NR6A1: variants seen among roughly 807,000 people sequenced by gnomAD.
The protein encoded by NR6A1 is nuclear receptor subfamily 6 group A member 1.
NR6A1 carries 7 observed loss-of-function variants against 59.1 expected under a neutral mutation model. The observed-to-expected ratio is 0.12, with a 90% CI of 0.07 to 0.22. The LOEUF is 0.22. Ranked by LOEUF, NR6A1 falls within the 10% of genes least tolerant of loss-of-function variation. The pLI, the probability that NR6A1 is intolerant of heterozygous loss-of-function variation, is 1.00. For missense variants in NR6A1, 468 were observed against 611.6 expected, an observed-to-expected ratio of 0.77 and a Z score of 2.48; for synonymous variants, 243 against 236.1, an observed-to-expected ratio of 1.03 and a Z score of -0.27.
At chr9:124,588,265 G>A (rs946873296) in intron 2 of NR6A1, among the ~76,000 whole-genome samples, 5 of 152,228 alleles carry the variant, frequency 3.3e-5, no homozygotes, top group African/African-American at 1.2e-4. Flanking sequence ...GACAAGAGCA[G>A]GAGTGCTGAG....
In NR6A1 at chr9:124,531,451, C is replaced by G. The variant is rs59310165; in HGVS notation, c.1079+4427G>C. Among the ~76,000 whole-genome samples the G allele has an allele frequency of 6.6e-3, 1,009 of 152,332 alleles. 16 individuals are homozygous for G. Among genetic ancestry groups the G allele is most frequent in the East Asian group, 0.039 (205 of 5,194 alleles). ...GCCTTTCCATGACAGCAGGAACTCACTTGCACTCAAGAGTTGTGAAGAAGT... is the reference window on the plus strand; with the variant it reads ...GCCTTTCCATGACAGCAGGAACTCAGTTGCACTCAAGAGTTGTGAAGAAGT... On this transcript the variant is annotated intron_variant, in intron 7 of 9. Transcript: ENST00000487099.
At chr9:124,538,904 T>G in intron 5 of NR6A1, among the ~76,000 whole-genome samples, 1 of 7,628 alleles carries the variant, frequency 1.3e-4, no homozygotes, top group African/African-American at 8.5e-4. Context: ...TGTCAACTAA[T>G]TAAAAAAAAA....
At chr9:124,665,969 A>G (rs933449263) in intron 2 of NR6A1, among the ~76,000 whole-genome samples, 14 of 152,236 alleles carry the variant, frequency 9.2e-5, no homozygotes, top group African/African-American at 2.9e-4. Flanking sequence ...ATTTGCCACA[A>G]TGAAGCAATA....
At chr9:124,705,169 T>C (rs555693406) in intron 2 of NR6A1, among the ~76,000 whole-genome samples, 1 of 152,380 alleles carries the variant, frequency 6.6e-6, no homozygotes, top group African/African-American at 2.4e-5. Flanking sequence ...TTGTATATTT[T>C]GCATAAAGTG....
At chr9:124,588,983 T>C (rs148230225) in intron 2 of NR6A1, among the ~76,000 whole-genome samples, 2 of 149,704 alleles carry the variant, frequency 1.3e-5, no homozygotes, top group African/African-American at 4.9e-5. Flanking sequence ...TTAAGGTAAC[T>C]GGTTCATGGT....
intron 2 of NR6A1, among the ~76,000 whole-genome samples, chr9:124,597,102 A>C (rs1003456574): frequency 1.2e-4 from 18 of 152,190 alleles, no homozygotes; most frequent in African/African-American, 4.1e-4. Flanking sequence ...TACTACCATT[A>C]CTAGAGGGCT....
intron 2 of NR6A1, among the ~76,000 whole-genome samples, chr9:124,677,622 T>C (rs944467658): frequency 1.3e-5 from 2 of 152,112 alleles, no homozygotes; most frequent in African/African-American, 4.8e-5. Flanking sequence ...TTAAGTCTGA[T>C]AAAGTTTTCT....
chr9:124,596,222 T>A (rs1418412686), intron 2 of NR6A1, among the ~76,000 whole-genome samples: 1 of 152,036 alleles, frequency 6.6e-6, no homozygotes, highest in Middle Eastern at 3.2e-3. Context: ...TCTTCCAGAC[T>A]GGGTTAGAAA....
chr9:124,661,078 A>G (rs1024205455), intron 2 of NR6A1, among the ~76,000 whole-genome samples: 2 of 152,150 alleles, frequency 1.3e-5, no homozygotes, highest in Non-Finnish European at 2.9e-5. Context: ...ATATATACCA[A>G]TTTAGAGGCT....
At chr9:124,747,762 C>T (rs909701403) in intron 1 of NR6A1, among the ~76,000 whole-genome samples, 2 of 152,074 alleles carry the variant, frequency 1.3e-5, no homozygotes, top group Non-Finnish European at 2.9e-5. Flanking sequence ...CCCAACAGTC[C>T]CCTCGAATAA....
chr9:124,536,282 T>C (rs1833264666), intron 6 of NR6A1, 150 bp from the exon 7 acceptor site: 1 of 917,928 alleles, frequency 1.1e-6, no homozygotes, highest in Admixed American at 2.4e-5. Flanking sequence ...TTCAGTGTGA[T>C]TTTCTGATAA....
chr9:124,701,034 T>G (rs1004970058), intron 2 of NR6A1, among the ~76,000 whole-genome samples: 32 of 152,226 alleles, frequency 2.1e-4, no homozygotes, highest in Non-Finnish European at 3.5e-4. Context: ...GTGCTGAGAT[T>G]ACAGGCATGA....
chr9:124,663,734 C>A (rs1017442622), intron 2 of NR6A1, among the ~76,000 whole-genome samples: 22 of 152,192 alleles, frequency 1.4e-4, no homozygotes, highest in Non-Finnish European at 3.1e-4. Flanking sequence ...TAAATTAAAA[C>A]AAACATATGA....
At chr9:124,750,360 T>C (rs943287585) in intron 1 of NR6A1, among the ~76,000 whole-genome samples, 1 of 152,260 alleles carries the variant, frequency 6.6e-6, no homozygotes, top group Non-Finnish European at 1.5e-5. Flanking sequence ...TGTCTCCCCA[T>C]TGGCAAGGAT....
chr9:124,532,007 G>C (rs916918017), intron 7 of NR6A1, among the ~76,000 whole-genome samples: 1 of 152,076 alleles, frequency 6.6e-6, no homozygotes, highest in Admixed American at 6.5e-5. Context: ...TTTCTAAAAT[G>C]CAACCTGACT....
chr9:124,733,400 G>T, intron 1 of NR6A1, 51 bp from the exon 2 acceptor site: 1 of 1,351,406 alleles, frequency 7.4e-7, no homozygotes, highest in Non-Finnish European at 1.1e-6. Flanking sequence ...ATTACTTCAA[G>T]CTGACTCCAA....
chr9:124,684,629 T>G (rs1346924541), intron 2 of NR6A1, among the ~76,000 whole-genome samples: 1 of 152,106 alleles, frequency 6.6e-6, no homozygotes, highest in Non-Finnish European at 1.5e-5. Flanking sequence ...AATAAATTCC[T>G]CCCCAGAGAG....
In NR6A1 at chr9:124,524,749, C is replaced by T; in HGVS notation, c.1326G>A (p.Met442Ile). Residue 442 changes from methionine to isoleucine, a missense_variant, in exon 9 of 10, where the codon ATG (methionine) becomes ATA (isoleucine). Physicochemically the swap from Met to Ile is conservative, Grantham distance 10 (BLOSUM62 1). Transcript: ENST00000487099. ...CAATATATCGAATCTCAGGTAAGCA[C>T]ATCATGAGATCAGGAAAGCGGTTCG... is the stretch of plus-strand genomic sequence containing the variant. ...HQPNRFPDLM[M>I]CLPEIRYIAG... 2 of 1,613,956 alleles carry T rather than the reference C, an allele frequency of 1.2e-6. No homozygotes were observed. Among genetic ancestry groups the T allele is most frequent in the Non-Finnish European group, 1.7e-6 (2 of 1,179,948 alleles).
At chr9:124,745,901 C>T (rs1166007943) in intron 1 of NR6A1, among the ~76,000 whole-genome samples, 1 of 144,970 alleles carries the variant, frequency 6.9e-6, no homozygotes, top group African/African-American at 2.6e-5. Context: ...GCAGGGAGAA[C>T]TGCTTGAATC....
Sources: gnomAD v4.1 joint callset for allele counts (sites outside exome capture counted in the v4.1 genomes callset) on GRCh38, gnomAD v4.1.1 for gene constraint, MANE v1.5 for transcripts, NCBI Gene and HGNC (gene_info 2026-07-23, HGNC 2026-07-21) for gene names.